Variants in ATP2C1 observed in about 807,000 individuals in gnomAD.
ATP2C1 encodes calcium-transporting ATPase type 2C member 1.
Under a neutral mutation model 120.5 loss-of-function variants are expected in ATP2C1, and 31 were observed. The ratio of observed to expected loss-of-function variants is 0.26; its 90% CI spans 0.19 to 0.35. The LOEUF is 0.35. Ranked by LOEUF, ATP2C1 falls within the 10% of genes least tolerant of loss-of-function variation. ATP2C1 has a pLI of 1.00. For missense variants in ATP2C1, 731 were observed against 1,107.5 expected (o/e 0.66, Z 4.83); for synonymous variants, 351 against 358.7 (o/e 0.98, Z 0.24).
intron 20 of ATP2C1, among the ~76,000 whole-genome samples, chr3:130,985,190 C>G (rs1330457025): frequency 6.6e-6 from 1 of 152,130 alleles, no homozygotes; most frequent in Admixed American, 6.5e-5. Context: ...GTCAGATTTG[C>G]AAAACATGCA....
intron 21 of ATP2C1, among the ~76,000 whole-genome samples, chr3:130,993,549 T>C (rs1419076709): frequency 6.6e-6 from 1 of 152,216 alleles, no homozygotes; most frequent in Non-Finnish European, 1.5e-5. Context: ...CCATATGTTA[T>C]TGAATGTTTA....
intron 2 of ATP2C1, among the ~76,000 whole-genome samples, chr3:130,919,289 A>G (rs2058840361): frequency 6.7e-6 from 1 of 150,152 alleles, no homozygotes; most frequent in Non-Finnish European, 1.5e-5. Flanking sequence ...CAATGGCGCG[A>G]TCTCAGCTTA....
chr3:130,939,443 A>G (rs757062293), intron 6 of ATP2C1, among the ~76,000 whole-genome samples: 7 of 152,204 alleles, frequency 4.6e-5, no homozygotes, highest in Non-Finnish European at 1.0e-4. Flanking sequence ...AATAAATTTG[A>G]AAAATGACTT....
intron 18 of ATP2C1, among the ~76,000 whole-genome samples, chr3:130,978,601 C>T (rs1029990701): frequency 5.9e-5 from 9 of 152,144 alleles, no homozygotes; most frequent in African/African-American, 1.9e-4. Flanking sequence ...TATTTACATA[C>T]TCTTAGAGAA....
At chr3:130,933,764 A>G (rs534338787) in intron 4 of ATP2C1, among the ~76,000 whole-genome samples, 1 of 152,318 alleles carries the variant, frequency 6.6e-6, no homozygotes, top group South Asian at 2.1e-4. Flanking sequence ...GGTATTGTTA[A>G]AAGTTTCTTA....
chr3:130,920,349 T>A (rs1234089396), intron 2 of ATP2C1, among the ~76,000 whole-genome samples: 1 of 152,230 alleles, frequency 6.6e-6, no homozygotes, highest in Non-Finnish European at 1.5e-5. Flanking sequence ...TTCAGTTGAT[T>A]TTTGTGTATG....
At chr3:130,983,766 G>A (rs951180075) in intron 20 of ATP2C1, among the ~76,000 whole-genome samples, 22 of 152,166 alleles carry the variant, frequency 1.4e-4, no homozygotes, top group African/African-American at 5.3e-4. Flanking sequence ...AATATCATAT[G>A]TAGCCTTTGC....
intron 9 of ATP2C1, among the ~76,000 whole-genome samples, chr3:130,954,436 G>A (rs1373119189): frequency 3.9e-5 from 6 of 152,114 alleles, no homozygotes; most frequent in Admixed American, 3.9e-4. Context: ...ATACATGTTT[G>A]TATTTCAGAA....
At chr3:130,961,477 A>G (rs1206221735) in intron 12 of ATP2C1, among the ~76,000 whole-genome samples, 1 of 152,010 alleles carries the variant, frequency 6.6e-6, no homozygotes, top group African/African-American at 2.4e-5. Flanking sequence ...GAAGTATTTT[A>G]CAATTTCTTC....
chr3:130,864,018 A>G (rs1342067881), intron 1 of ATP2C1, among the ~76,000 whole-genome samples: 2 of 152,198 alleles, frequency 1.3e-5, no homozygotes, highest in Non-Finnish European at 2.9e-5. Context: ...TGGAACTGGG[A>G]AACAGGCAGA....
At chr3:130,943,111 A>C (rs761084622) in intron 8 of ATP2C1, among the ~76,000 whole-genome samples, 1 of 152,356 alleles carries the variant, frequency 6.6e-6, no homozygotes, top group East Asian at 1.9e-4. Context: ...TTGACTTGAC[A>C]GTTAATTATT....
intron 27 of ATP2C1, 114 bp from the exon 28 acceptor site, chr3:131,001,106 A>C (rs1577051637): frequency 1.7e-6 from 1 of 579,646 alleles, no homozygotes; most frequent in Admixed American, 3.8e-5. Context: ...TCATCTCAGA[A>C]AAAAAAAAAA....
intron 1 of ATP2C1, among the ~76,000 whole-genome samples, chr3:130,867,441 C>T (rs530964362): frequency 1.9e-4 from 27 of 145,336 alleles, no homozygotes; most frequent in African/African-American, 6.0e-4. Flanking sequence ...TGCCGAGTGC[C>T]GCCACGCCTG....
intron 1 of ATP2C1, among the ~76,000 whole-genome samples, chr3:130,875,083 T>G (rs562165231): frequency 9.8e-5 from 15 of 152,326 alleles, no homozygotes; most frequent in Admixed American, 3.9e-4. Flanking sequence ...GTAAGGGCAA[T>G]TAGCATATCC....
intron 2 of ATP2C1, among the ~76,000 whole-genome samples, chr3:130,901,567 G>A (rs1253830071): frequency 1.3e-5 from 2 of 152,018 alleles, no homozygotes; most frequent in Non-Finnish European, 1.5e-5. Flanking sequence ...AGACATGACT[G>A]CAAGATGTCA....
intron 12 of ATP2C1, among the ~76,000 whole-genome samples, chr3:130,961,570 A>G (rs540348080): frequency 1.3e-5 from 2 of 152,216 alleles, no homozygotes; most frequent in Admixed American, 1.3e-4. Flanking sequence ...TGATGGAATC[A>G]TTGAGAAGGT....
At chr3:131,006,839 T>C (rs536113016), downstream of ATP2C1, among the ~76,000 whole-genome samples, 2 of 150,868 alleles carry the variant, frequency 1.3e-5, no homozygotes, top group East Asian at 3.9e-4. Context: ...ATTTTGTGTA[T>C]TTTTTTTTGG....
chr3:130,898,398 GA>G (rs2069833018), intron 2 of ATP2C1, among the ~76,000 whole-genome samples: 1 of 152,100 alleles, frequency 6.6e-6, no homozygotes, highest in South Asian at 2.1e-4. Flanking sequence ...AAGCTATAGG[GA>G]AAAAGGGATG....
At chr3:130,908,422 G>A (rs2058240597) in intron 2 of ATP2C1, among the ~76,000 whole-genome samples, 2 of 151,580 alleles carry the variant, frequency 1.3e-5, no homozygotes, top group Non-Finnish European at 2.9e-5. Context: ...TGGAGTCCAA[G>A]ATGTATTGAA....
Sources: allele counts gnomAD v4.1 joint callset (sites outside exome capture counted in the v4.1 genomes callset), GRCh38; gene constraint gnomAD v4.1.1; transcripts MANE v1.5; gene names NCBI Gene and HGNC (gene_info 2026-07-23, HGNC 2026-07-21).